STAT5B: variants seen among roughly 807,000 people sequenced by gnomAD.
STAT5B encodes signal transducer and activator of transcription 5B.
STAT5B carries 21 observed loss-of-function variants against 107.8 expected under a neutral mutation model. The ratio of observed to expected loss-of-function variants is 0.19; its 90% CI spans 0.14 to 0.28. STAT5B has a LOEUF of 0.28. Ranked by LOEUF, STAT5B falls within the 10% of genes least tolerant of loss-of-function variation. The pLI is 1.00. For synonymous variants in STAT5B, 325 were observed against 401.7 expected, an observed-to-expected ratio of 0.81 and a Z score of 2.28; for missense variants, 565 against 1,008.2, an observed-to-expected ratio of 0.56 and a Z score of 5.95.
In STAT5B at chr17:42,232,068, C is replaced by T. The variant is rs927230747; in HGVS notation, c.60G>A (p.Ala20=). The change falls in exon 2 of 19, where the codon GCG becomes GCA. Residue 20 remains alanine (A), a synonymous_variant. Coordinates refer to ENST00000293328, the MANE Select transcript of STAT5B (RefSeq NM_012448.4). Reference sequence around the variant, plus strand: ...CAATGGGAAAATGCTGGCCATATAACGCTTGCATCTGATGAAGGGCTTCTC... The same window carrying T: ...CAATGGGAAAATGCTGGCCATATAATGCTTGCATCTGATGAAGGGCTTCTC... ...LQGEALHQMQ[A]LYGQHFPIEV... is the part of the protein sequence containing the mutation. 7.4e-6 allele frequency: 12 copies of T among 1,613,868 alleles called. No individual in the cohort carries two copies. Among genetic ancestry groups the T allele is most frequent in the Admixed American group, 1.7e-5 (1 of 59,988 alleles).
At chr17:42,275,227 C>G (rs948397409) in intron 1 of STAT5B, 1 of 152,158 alleles carries the variant, frequency 6.6e-6, no homozygotes, top group African/African-American at 2.4e-5. Flanking sequence ...CTTTCCAGCT[C>G]TAACATTCTT....
chr17:42,207,430 C>A, intron 16 of STAT5B, 128 bp downstream of exon 16: 1 of 1,257,060 alleles, frequency 8.0e-7, no homozygotes. Context: ...TCAAACTGCT[C>A]TCACTGAATG....
chr17:42,262,406 A>G (rs189107213), intron 1 of STAT5B, among the ~76,000 whole-genome samples: 128 of 152,290 alleles, frequency 8.4e-4, no homozygotes, highest in African/African-American at 3.0e-3. Context: ...TTCTAGTTAC[A>G]AAGAAACTAT....
chr17:42,231,170 AATT>A (rs1277051626), intron 2 of STAT5B, among the ~76,000 whole-genome samples: 1 of 151,934 alleles, frequency 6.6e-6, no homozygotes, highest in Non-Finnish European at 1.5e-5. Flanking sequence ...TTAAACACTA[AATT>A]ATTATTATTA....
intron 1 of STAT5B, among the ~76,000 whole-genome samples, chr17:42,259,560 G>A (rs1220820025): frequency 6.6e-6 from 1 of 152,142 alleles, no homozygotes; most frequent in Non-Finnish European, 1.5e-5. Context: ...GCCAAGGTGG[G>A]TGGATCACCT....
At chr17:42,249,202 G>A (rs923436635) in intron 1 of STAT5B, among the ~76,000 whole-genome samples, 1 of 152,156 alleles carries the variant, frequency 6.6e-6, no homozygotes, top group African/African-American at 2.4e-5. Context: ...GACCAGTCTG[G>A]CTAGCATGGT....
chr17:42,266,920 T>C (rs1330854204), intron 1 of STAT5B, among the ~76,000 whole-genome samples: 1 of 152,238 alleles, frequency 6.6e-6, no homozygotes, highest in African/African-American at 2.4e-5. Context: ...CACTGCAAGA[T>C]AAACTCATTT....
chr17:42,286,174 T>C, the STAT5B span, among the ~76,000 whole-genome samples: 2 of 141,506 alleles, frequency 1.4e-5, no homozygotes, highest in Admixed American at 1.5e-4. Context: ...TGGAGGTTGC[T>C]GTGAGCCAAG....
chr17:42,242,917 T>A (rs1413781833), intron 1 of STAT5B, among the ~76,000 whole-genome samples: 1 of 152,068 alleles, frequency 6.6e-6, no homozygotes, highest in Non-Finnish European at 1.5e-5. Context: ...AAACAGATGC[T>A]TGAAGGCAGC....
chr17:42,287,092 T>TA, the STAT5B span, among the ~76,000 whole-genome samples: 1 of 152,120 alleles, frequency 6.6e-6, no homozygotes, highest in African/African-American at 2.4e-5. Flanking sequence ...TGCACCCCCT[T>TA]AGAGTTTTCA....
At chr17:42,217,092 T>C (rs1291047197) in intron 11 of STAT5B, 68 bp downstream of exon 11, 5 of 1,555,998 alleles carry the variant, frequency 3.2e-6, no homozygotes, top group South Asian at 1.2e-5. Context: ...AAAAAAAATA[T>C]TTTGTAACAT....
intron 1 of STAT5B, among the ~76,000 whole-genome samples, chr17:42,244,058 C>T (rs535567294): frequency 6.6e-6 from 1 of 151,720 alleles, no homozygotes; most frequent in South Asian, 2.1e-4. Context: ...GTAGTCCTAT[C>T]TTACCTTCAG....
At chr17:42,240,294 T>C (rs1323248118) in intron 1 of STAT5B, among the ~76,000 whole-genome samples, 1 of 152,186 alleles carries the variant, frequency 6.6e-6, no homozygotes, top group Admixed American at 6.5e-5. Context: ...ATACAATGAA[T>C]AAAATGGAAT....
chr17:42,261,223 G>A, intron 1 of STAT5B, among the ~76,000 whole-genome samples: 1 of 151,948 alleles, frequency 6.6e-6, no homozygotes, highest in East Asian at 1.9e-4. Flanking sequence ...ACATAATTTT[G>A]AATTAAACGA....
intron 13 of STAT5B, among the ~76,000 whole-genome samples, chr17:42,211,568 A>T (rs1259949266): frequency 6.6e-6 from 1 of 152,080 alleles, no homozygotes. Flanking sequence ...ATGCTAGAGG[A>T]GGAGTTTCTT....
intron 16 of STAT5B, 113 bp downstream of exon 16, chr17:42,207,445 T>C: frequency 7.3e-7 from 1 of 1,363,778 alleles, no homozygotes; most frequent in Non-Finnish European, 1.0e-6. Context: ...TGAATGGTAA[T>C]TGTGTGGGTT....
At chr17:42,213,838 T>C (rs552727790) in intron 12 of STAT5B, among the ~76,000 whole-genome samples, 2 of 150,834 alleles carry the variant, frequency 1.3e-5, no homozygotes, top group South Asian at 4.2e-4. Flanking sequence ...TGAAAGTCTT[T>C]TTTTTAACAT....
intron 2 of STAT5B, among the ~76,000 whole-genome samples, chr17:42,228,413 C>T (rs999595145): frequency 6.6e-6 from 1 of 152,064 alleles, no homozygotes; most frequent in Non-Finnish European, 1.5e-5. Flanking sequence ...TCTTTCCTTC[C>T]GTTCCTTCCT....
chr17:42,207,014 T>C (rs1275257955), intron 16 of STAT5B, among the ~76,000 whole-genome samples: 1 of 151,758 alleles, frequency 6.6e-6, no homozygotes, highest in Non-Finnish European at 1.5e-5. Flanking sequence ...GTACCTGCGA[T>C]TACAAGTGCC....
Sources: allele counts gnomAD v4.1 joint callset (sites outside exome capture counted in the v4.1 genomes callset), GRCh38; gene constraint gnomAD v4.1.1; transcripts MANE v1.5; gene names NCBI Gene and HGNC (gene_info 2026-07-23, HGNC 2026-07-21).